The following EEF1G variants were observed in gnomAD, a reference collection of about 807,000 sequenced individuals.
EEF1G encodes eukaryotic translation elongation factor 1 gamma, also known as elongation factor 1-gamma.
In EEF1G, 14 loss-of-function variants were observed where a neutral mutation model predicts 58.3. That is an observed-to-expected ratio of 0.24 (90% CI 0.16 to 0.38). The LOEUF (loss-of-function observed/expected upper bound fraction) is 0.38, where lower values mean the gene tolerates loss of function less well. Ranked by LOEUF, EEF1G falls within the 10% of genes least tolerant of loss-of-function variation. The pLI is 1.00. For synonymous variants in EEF1G, 180 were observed against 206.8 expected (o/e 0.87, Z 1.11); for missense variants, 322 against 550.1 (o/e 0.59, Z 4.15).
chr11:62,569,001 G>C (rs1274174058), intron 5 of EEF1G, among the ~76,000 whole-genome samples: 1 of 151,366 alleles, frequency 6.6e-6, no homozygotes, highest in African/African-American at 2.4e-5. Context: ...GAGACCCACA[G>C]AGGGCTATCG....
intron 5 of EEF1G, among the ~76,000 whole-genome samples, chr11:62,569,399 G>C (rs1941599289): frequency 6.6e-6 from 1 of 152,130 alleles, no homozygotes; most frequent in Admixed American, 6.5e-5. Flanking sequence ...GCTTGAACCT[G>C]GGAGGTGGAG....
chr11:62,569,949 A>G (rs1048874003), intron 5 of EEF1G, among the ~76,000 whole-genome samples: 2 of 152,214 alleles, frequency 1.3e-5, no homozygotes, highest in African/African-American at 2.4e-5. Context: ...TATAGATTGC[A>G]AAGAGTAAAA....
chr11:62,560,251 T>C, intron 8 of EEF1G, 31 bp downstream of exon 8: 1 of 1,613,924 alleles, frequency 6.2e-7, no homozygotes, highest in Non-Finnish European at 8.5e-7. Flanking sequence ...CTACACCTTG[T>C]TCTCCTTCCT....
In EEF1G at chr11:62,571,573, G is replaced by A. The variant is rs1476726847; in HGVS notation, c.345C>T (p.Phe115=). Residue 115 remains phenylalanine, a synonymous_variant, in exon 4 of 10, where the codon TTC becomes TTT. Transcript: ENST00000329251. ...TGTGGTGCATGATGCCCAAGGTGGGGAACACCCAGGTACTGGCTGGGGGCA... is the reference window on the plus strand; with the variant it reads ...TGTGGTGCATGATGCCCAAGGTGGGAAACACCCAGGTACTGGCTGGGGGCA... ...DIVPPASTWV[F]PTLGIMHHNK... The A allele has an allele frequency of 6.3e-7, 1 of 1,595,008 alleles. No individual in the cohort carries two copies. The highest frequency in any genetic ancestry group is 1.7e-5 in the Admixed American group (1 of 57,752).
intron 1 of EEF1G, chr11:62,573,539 T>TA (rs959167889): frequency 1.8e-6 from 1 of 552,422 alleles, no homozygotes; most frequent in Non-Finnish European, 3.2e-6. Flanking sequence ...CCTGCCCAGA[T>TA]ACCACGCCTC....
At position 62,559,672 on chromosome 11, in the gene EEF1G, G is replaced by C. The variant is rs1026759737; in HGVS notation, c.*7C>G. On this transcript the variant is annotated 3_prime_UTR_variant, in exon 10 of 10. Coordinates refer to ENST00000329251, the MANE Select transcript of EEF1G (RefSeq NM_001404.5). Reference sequence around the variant, plus strand: ...GGTGCAGGCAGCTAGGTGATGGCAAGAGATGTTCACTTGAAGATCTTGCCC... The same window carrying C: ...GGTGCAGGCAGCTAGGTGATGGCAACAGATGTTCACTTGAAGATCTTGCCC... 6.2e-7 allele frequency: 1 copy of C among 1,613,762 alleles called. No homozygotes were observed. The highest frequency in any genetic ancestry group is 1.7e-5 in the Admixed American group (1 of 60,006).
Position 62,571,113 on chromosome 11 carries a change from T to A in EEF1G, c.379-5A>T, listed in dbSNP as rs1216728809. 2 of 1,613,918 alleles carry A rather than the reference T, an allele frequency of 1.2e-6. No homozygotes were observed. The highest frequency in any genetic ancestry group is 2.2e-5 in the East Asian group (1 of 44,890). On this transcript the variant is annotated splice_polypyrimidine_tract_variant and splice_region_variant and intron_variant, in intron 4 of 9. Coordinates refer to ENST00000329251, the MANE Select transcript of EEF1G (RefSeq NM_001404.5). ...CTCCTTTGCATTCTCAGTGGCCTAG[T>A]GATTCAACATGATAAAACTCATCAG... is the stretch of plus-strand genomic sequence containing the variant.
intron 5 of EEF1G, among the ~76,000 whole-genome samples, chr11:62,569,892 CT>C (rs1036288055): frequency 2.2e-4 from 34 of 152,150 alleles, no homozygotes; most frequent in African/African-American, 7.7e-4. Context: ...ACTTGTCATT[CT>C]TTTTTGACCC....
At position 62,573,864 on chromosome 11, in the gene EEF1G, G is replaced by A. The variant is rs758762019; in HGVS notation, c.-22C>T. 9.3e-6 allele frequency: 15 copies of A among 1,613,634 alleles called. No homozygotes were observed. The highest frequency in any genetic ancestry group is 8.3e-5 in the Admixed American group (5 of 60,006). ...CCATGGTGATTCCGCAAAGAAAGGG[G>A]GTGGGGTTCTCGGCGCTGCCGCAAA... On this transcript the variant is annotated 5_prime_UTR_variant, in exon 1 of 10. Coordinates refer to ENST00000329251, the MANE Select transcript of EEF1G (RefSeq NM_001404.5).
intron 5 of EEF1G, 127 bp downstream of exon 5, chr11:62,570,838 G>C (rs970676079): frequency 2.3e-6 from 3 of 1,310,800 alleles, no homozygotes; most frequent in Non-Finnish European, 3.2e-6. Flanking sequence ...TTACAGGCAT[G>C]AGCCACTGCA....
chr11:62,567,708 A>AT (rs71458421), intron 5 of EEF1G, among the ~76,000 whole-genome samples, 180 bp from the exon 6 acceptor site: 1,665 of 143,406 alleles, frequency 0.012, 25 homozygotes, highest in Admixed American at 0.047. Context: ...ATTTTTTTCA[A>AT]TTTTTTTTTT....
At chr11:62,571,304 C>T (rs1191802411) in intron 4 of EEF1G, among the ~76,000 whole-genome samples, 196 bp from the exon 5 acceptor site, 1 of 151,286 alleles carries the variant, frequency 6.6e-6, no homozygotes, top group East Asian at 1.9e-4. Context: ...GGTCCAGCCA[C>T]CCCCTTACCA....
chr11:62,564,983 G>A (rs1030987514), intron 7 of EEF1G, among the ~76,000 whole-genome samples: 1 of 151,894 alleles, frequency 6.6e-6, no homozygotes, highest in Admixed American at 6.6e-5. Flanking sequence ...TGAGGCAGGA[G>A]AATCGCTTGA....
chr11:62,563,125 T>C (rs1253031004), intron 7 of EEF1G, among the ~76,000 whole-genome samples: 1 of 146,258 alleles, frequency 6.8e-6, no homozygotes. Context: ...AAAACAATCC[T>C]TTTTTTTTTA....
At chr11:62,564,542 C>G (rs952828548) in intron 7 of EEF1G, among the ~76,000 whole-genome samples, 1 of 151,198 alleles carries the variant, frequency 6.6e-6, no homozygotes. Flanking sequence ...ACGGGCGGAT[C>G]ACGAGGTCAG....
chr11:62,568,312 CAGG>C (rs1354586546), intron 5 of EEF1G, among the ~76,000 whole-genome samples: 2 of 149,072 alleles, frequency 1.3e-5, no homozygotes, highest in Non-Finnish European at 3.0e-5. Flanking sequence ...CACTTAAACC[CAGG>C]AGGTGGAGGT....
chr11:62,567,133 G>A (rs1941566424), intron 6 of EEF1G, 123 bp from the exon 7 acceptor site: 6 of 1,066,152 alleles, frequency 5.6e-6, no homozygotes, highest in Non-Finnish European at 1.4e-6. Flanking sequence ...AGGAACTTAG[G>A]CCCCAGACTG....
intron 5 of EEF1G, 146 bp from the exon 6 acceptor site, chr11:62,567,674 C>T: frequency 1.3e-6 from 1 of 750,150 alleles, no homozygotes; most frequent in Non-Finnish European, 1.9e-6. Flanking sequence ...CATCATCCTT[C>T]CCTGGATTAC....
rs928763167 is a variant in EEF1G, at chr11:62,573,825, A to T, written c.12+6T>A. Reference sequence around the variant, plus strand: ...TGACCCGAACCACCAGAGCCAGCAAACTTACCCCAGCCGCCATGGTGATTC... The same window carrying T: ...TGACCCGAACCACCAGAGCCAGCAATCTTACCCCAGCCGCCATGGTGATTC... On this transcript the variant is annotated splice_donor_region_variant and intron_variant, in intron 1 of 9. Coordinates refer to ENST00000329251, the MANE Select transcript of EEF1G (RefSeq NM_001404.5). 12 of 1,613,568 alleles carry T rather than the reference A, an allele frequency of 7.4e-6. No individual in the cohort carries two copies. Among genetic ancestry groups the T allele is most frequent in the Admixed American group, 1.7e-5 (1 of 59,996 alleles).
Sources: allele counts gnomAD v4.1 joint callset (sites outside exome capture counted in the v4.1 genomes callset), GRCh38; gene constraint gnomAD v4.1.1; transcripts MANE v1.5; gene names NCBI Gene and HGNC (gene_info 2026-07-23, HGNC 2026-07-21).